TRHDE: variants seen among roughly 807,000 people sequenced by gnomAD.
The protein encoded by TRHDE is thyrotropin releasing hormone degrading enzyme, also known as thyrotropin-releasing hormone-degrading ectoenzyme.
In TRHDE, 72 loss-of-function variants were observed where a neutral mutation model predicts 125.7. The observed-to-expected ratio is 0.57, with a 90% confidence interval of 0.47 to 0.70. TRHDE has a LOEUF of 0.70. Among genes scored for constraint, TRHDE ranks in the 30% least tolerant of loss-of-function variants. The pLI, the probability that TRHDE is intolerant of heterozygous loss-of-function variation, is 0.00. For missense variants in TRHDE, 1,110 were observed against 1,327.1 expected, an observed-to-expected ratio of 0.84 and a Z score of 2.54; for synonymous variants, 509 against 509.1, an observed-to-expected ratio of 1.00 and a Z score of 0.00.
chr12:72,518,835 G>A, intron 6 of TRHDE, among the ~76,000 whole-genome samples: 1 of 152,120 alleles, frequency 6.6e-6, no homozygotes, highest in African/African-American at 2.4e-5. Context: ...TTTTAGGGCA[G>A]GCCTGGTGGT....
intron 3 of TRHDE, among the ~76,000 whole-genome samples, chr12:72,428,661 A>G (rs1400572986): frequency 6.6e-6 from 1 of 152,156 alleles, no homozygotes; most frequent in African/African-American, 2.4e-5. Flanking sequence ...TTTAGATTGT[A>G]CAATCAAATG....
At chr12:72,099,275 G>A (rs1469476715) in intron 1 of TRHDE, among the ~76,000 whole-genome samples, 1 of 152,164 alleles carries the variant, frequency 6.6e-6, no homozygotes, top group Admixed American at 6.5e-5. Context: ...GTAAAGTGGT[G>A]TGCTACTGTG....
At position 72,663,278 on chromosome 12, in the gene TRHDE, C is replaced by A. The variant is rs1183084980; in HGVS notation, c.*83C>A. The A allele has an allele frequency of 8.4e-7, 1 of 1,185,708 alleles. No individual in the cohort carries two copies. The highest frequency in any genetic ancestry group is 2.1e-5 in the South Asian group (1 of 47,338). The allele number at this position is 1,185,708 out of a possible 1,614,324, so 73.4% of individuals were successfully genotyped here. On this transcript the variant is annotated 3_prime_UTR_variant, in exon 19 of 19. Coordinates refer to ENST00000261180, the MANE Select transcript of TRHDE (RefSeq NM_013381.3). ...TTGTGGAATGAGGAAAATGTACTACCTAGAAAATGGCCAGATTTTCAGTGT... is the reference window on the plus strand; with the variant it reads ...TTGTGGAATGAGGAAAATGTACTACATAGAAAATGGCCAGATTTTCAGTGT...
At chr12:72,247,102 T>C (rs1465541198) in intron 2 of TRHDE, among the ~76,000 whole-genome samples, 1 of 152,192 alleles carries the variant, frequency 6.6e-6, no homozygotes, top group Non-Finnish European at 1.5e-5. Context: ...AAGTCCCTTA[T>C]ATAAAATGGT....
intron 15 of TRHDE, among the ~76,000 whole-genome samples, chr12:72,632,831 C>G (rs1266173785): frequency 1.3e-5 from 2 of 150,542 alleles, no homozygotes; most frequent in African/African-American, 4.9e-5. Context: ...TTGTCATTCA[C>G]AATGAATTTT....
At chr12:72,479,532 A>T (rs560335777) in intron 5 of TRHDE, among the ~76,000 whole-genome samples, 1 of 152,220 alleles carries the variant, frequency 6.6e-6, no homozygotes, top group South Asian at 2.1e-4. Context: ...TCAGGTAAGC[A>T]TCTGGAAGGT....
At chr12:72,320,453 A>G (rs985964651) in intron 2 of TRHDE, among the ~76,000 whole-genome samples, 1 of 152,022 alleles carries the variant, frequency 6.6e-6, no homozygotes, top group African/African-American at 2.4e-5. Context: ...TGTTCAGTGC[A>G]GATGCAACCA....
At chr12:72,315,061 G>A (rs1399730664) in intron 2 of TRHDE, among the ~76,000 whole-genome samples, 2 of 152,120 alleles carry the variant, frequency 1.3e-5, no homozygotes, top group Non-Finnish European at 2.9e-5. Context: ...CTTACATTAG[G>A]ATGATTTCTT....
chr12:72,338,186 C>G (rs1051041371), intron 2 of TRHDE, among the ~76,000 whole-genome samples: 1 of 152,158 alleles, frequency 6.6e-6, no homozygotes, highest in African/African-American at 2.4e-5. Context: ...CAAGCTTTTC[C>G]TCTGAAGCTT....
At chr12:72,630,451 G>A (rs1185585437) in intron 15 of TRHDE, among the ~76,000 whole-genome samples, 1 of 151,644 alleles carries the variant, frequency 6.6e-6, no homozygotes, top group African/African-American at 2.4e-5. Flanking sequence ...AACCCACCAT[G>A]GTTTTGAACT....
chr12:72,442,674 C>T (rs905320315), intron 3 of TRHDE, among the ~76,000 whole-genome samples: 5 of 151,756 alleles, frequency 3.3e-5, no homozygotes, highest in African/African-American at 7.3e-5. Flanking sequence ...AAACAGCATT[C>T]GGCTTCCCTG....
chr12:72,543,071 A>T (rs956121550), intron 7 of TRHDE, among the ~76,000 whole-genome samples: 2 of 151,382 alleles, frequency 1.3e-5, no homozygotes, highest in African/African-American at 4.8e-5. Flanking sequence ...TGCTACTTAG[A>T]AGTGTCCTTT....
intron 15 of TRHDE, among the ~76,000 whole-genome samples, chr12:72,627,346 T>G (rs1873301532): frequency 6.6e-6 from 1 of 151,912 alleles, no homozygotes. Flanking sequence ...TCATCTTCCT[T>G]CCTTCACCTT....
intron 1 of TRHDE, among the ~76,000 whole-genome samples, chr12:72,282,300 T>C (rs1451132032): frequency 6.6e-6 from 1 of 152,174 alleles, no homozygotes; most frequent in African/African-American, 2.4e-5. Context: ...TTTTTTATAT[T>C]TATTATACTT....
intron 2 of TRHDE, among the ~76,000 whole-genome samples, chr12:72,164,027 C>T (rs2139330403): frequency 6.6e-6 from 1 of 152,304 alleles, no homozygotes; most frequent in African/African-American, 2.4e-5. Context: ...AGGAGAATCA[C>T]TTGAACCCCA....
In TRHDE at chr12:72,273,504, G is replaced by T; in HGVS notation, c.861G>T (p.Glu287Asp). ...AGATTATCTACAACGCGCTCATCGA[G>T]AATGAGCTCCTGGGCTTCTTCCGCA... ...NLKIIYNALIENELLGFFRSS... is the reference protein window; with the variant it reads ...NLKIIYNALIDNELLGFFRSS... Residue 287 changes from glutamate (E) to aspartate (D), a missense_variant, in exon 1 of 19, where the codon GAG becomes GAT. By Grantham distance (45) the Glu-to-Asp change is conservative. Around this residue, in one of 5 missense-constraint regions of TRHDE, gnomAD observed 252 missense variants for 274.8 expected, o/e 0.92. Coordinates refer to ENST00000261180, the MANE Select transcript of TRHDE (RefSeq NM_013381.3). This position sits in a 1 kb window ranked among gnomAD's most constrained non-coding sequence, Gnocchi z 5.3. 1 of 1,610,456 alleles carries T rather than the reference G, an allele frequency of 6.2e-7. No individual in the cohort carries two copies. The highest frequency in any genetic ancestry group is 8.5e-7 in the Non-Finnish European group (1 of 1,180,012).
intron 2 of TRHDE, among the ~76,000 whole-genome samples, chr12:72,372,032 TCCA>T (rs1265933253): frequency 6.6e-6 from 1 of 152,202 alleles, no homozygotes; most frequent in African/African-American, 2.4e-5. Flanking sequence ...TTCCTATTTC[TCCA>T]CATCCTCTCC....
chr12:72,503,890 G>T (rs552847338), intron 6 of TRHDE, among the ~76,000 whole-genome samples: 2 of 152,288 alleles, frequency 1.3e-5, no homozygotes, highest in Admixed American at 1.3e-4. Flanking sequence ...GCCAATCCTT[G>T]TGTCCACAGG....
rs2139340254 is a variant in TRHDE at position 72,179,084 on chromosome 12, A to G, written n.279+73332A>G. ...TGGAAATATGAACAGGAGGTGACTG[A>G]TGTAATAAAAGCAGCTTGTAACCAG... On this transcript the variant is annotated intron_variant and non_coding_transcript_variant, in intron 2 of 4. Transcript: ENST00000548156. Among the ~76,000 whole-genome samples, 3 of 152,208 alleles carry G rather than the reference A, an allele frequency of 2.0e-5. 1 individual carries two copies. The highest frequency in any genetic ancestry group is 2.0e-4 in the Admixed American group (3 of 15,300).
Sources: gnomAD v4.1 joint callset for allele counts (sites outside exome capture counted in the v4.1 genomes callset) on GRCh38, gnomAD v4.1.1 for gene constraint, gnomAD v4.1.1 regional missense constraint, Gnocchi (gnomAD v3.1) non-coding constraint, MANE v1.5 for transcripts, NCBI Gene and HGNC (gene_info 2026-07-23, HGNC 2026-07-21) for gene names.